The following DOCK11 variants were observed in gnomAD, a reference collection of about 807,000 sequenced individuals.
DOCK11 encodes dedicator of cytokinesis 11.
In DOCK11, 70 loss-of-function variants were observed where a neutral mutation model predicts 169.1. That is an observed-to-expected ratio of 0.41 (90% CI 0.34 to 0.51). The LOEUF (loss-of-function observed/expected upper bound fraction) is 0.51, where lower values mean the gene tolerates loss of function less well. DOCK11 is among the 20% of genes least tolerant of loss of function. The probability of loss-of-function intolerance (pLI) is 0.10; values close to 1 mark genes in which losing one functional copy is unlikely to be tolerated. For missense variants in DOCK11, 1,166 were observed against 1,538.8 expected (o/e 0.76, Z 4.05); for synonymous variants, 529 against 541.3 (o/e 0.98, Z 0.32).
At chrX:118,539,612 A>G (rs2011889663) in intron 1 of DOCK11, among the ~76,000 whole-genome samples, 1 of 111,923 alleles carries the variant, frequency 8.9e-6, no homozygotes, top group African/African-American at 3.3e-5. Flanking sequence ...AATGTTAAAT[A>G]TTTGAGGTGA....
intron 31 of DOCK11, among the ~76,000 whole-genome samples, chrX:118,620,894 A>G (rs1465653663): frequency 8.9e-6 from 1 of 112,755 alleles, no homozygotes; most frequent in Admixed American, 9.4e-5. Flanking sequence ...AAAAAGTTGT[A>G]TATTTCTCCA....
chrX:118,542,814 G>A lies in DOCK11; in HGVS notation c.192G>A (p.Leu64=), dbSNP rs1197157573. ...TQIYSDPLRD[L]LMFPMEDISI... ...TTTACAGCGACCCCCTCCGAGATCT[G>A]CTTATGTTCCCAATGGAAGATATAT... The change falls in exon 2 of 53, where the codon CTG becomes CTA. Residue 64 remains leucine, a synonymous_variant. Transcript: ENST00000276202. 3.3e-6 allele frequency: 4 copies of A among 1,206,042 alleles called. No individual in the cohort carries two copies. The highest frequency in any genetic ancestry group is 1.8e-5 in the African/African-American group (1 of 56,856).
chrX:118,584,917 A>T, intron 15 of DOCK11, 60 bp downstream of exon 15: 1 of 1,155,703 alleles, frequency 8.7e-7, no homozygotes, highest in Non-Finnish European at 1.2e-6. Context: ...AGTTTTTTAA[A>T]ATGATGAATG....
chrX:118,530,191 G>T (rs2147329865), intron 1 of DOCK11, among the ~76,000 whole-genome samples: 1 of 112,698 alleles, frequency 8.9e-6, no homozygotes, highest in East Asian at 2.8e-4. Flanking sequence ...CTCTCTTAAA[G>T]AAAGGCTTTT....
intron 6 of DOCK11, among the ~76,000 whole-genome samples, chrX:118,547,317 T>C (rs1310900105): frequency 8.9e-6 from 1 of 111,849 alleles, no homozygotes; most frequent in Non-Finnish European, 1.9e-5. Context: ...ACTCAAATTT[T>C]ATCTTAATTT....
chrX:118,637,402 A>G (rs904084205), intron 36 of DOCK11, among the ~76,000 whole-genome samples: 4 of 111,786 alleles, frequency 3.6e-5, no homozygotes, highest in African/African-American at 1.3e-4. Flanking sequence ...TTTTAATGCT[A>G]TTATTTAAAA....
At chrX:118,531,897 G>A (rs2011600365) in intron 1 of DOCK11, among the ~76,000 whole-genome samples, 1 of 111,303 alleles carries the variant, frequency 9.0e-6, no homozygotes, top group African/African-American at 3.3e-5. Context: ...TCAAAGATAT[G>A]TGAAGTCATC....
intron 1 of DOCK11, among the ~76,000 whole-genome samples, chrX:118,503,073 G>T (rs2057586403): frequency 2.4e-5 from 1 of 42,018 alleles, no homozygotes; most frequent in East Asian, 4.6e-4. Context: ...GATAACAAAG[G>T]CTTTTTTTTT....
chrX:118,552,335 G>A (rs1215815549), intron 6 of DOCK11, among the ~76,000 whole-genome samples: 1 of 111,643 alleles, frequency 9.0e-6, no homozygotes, highest in Non-Finnish European at 1.9e-5. Context: ...CATTCAAGTC[G>A]ACAGTTCTTG....
At chrX:118,565,599 A>AT (rs1336035492) in intron 7 of DOCK11, among the ~76,000 whole-genome samples, 1 of 112,001 alleles carries the variant, frequency 8.9e-6, no homozygotes, top group African/African-American at 3.2e-5. Context: ...TCATATTTAA[A>AT]TTTTTTAAAG....
chrX:118,646,942 T>G (rs2015686106), intron 40 of DOCK11, among the ~76,000 whole-genome samples: 1 of 110,994 alleles, frequency 9.0e-6, no homozygotes, highest in Non-Finnish European at 1.9e-5. Flanking sequence ...CTGAAGCAGC[T>G]TGTTATTTGC....
At chrX:118,556,048 CTTT>C (rs147701437) in intron 6 of DOCK11, among the ~76,000 whole-genome samples, 2 of 98,770 alleles carry the variant, frequency 2.0e-5, no homozygotes, top group Non-Finnish European at 2.0e-5. Flanking sequence ...TCTTTTCTTT[CTTT>C]TTTTTTTTTT....
chrX:118,592,776 CAT>C lies in DOCK11; in HGVS notation c.2140-435_2140-434del, dbSNP rs760841454. On this transcript the variant is annotated intron_variant, in intron 19 of 52. Transcript: ENST00000276202. ...ACTATAAGACCATCGTTACTTTTTGCATATTTATTTGTAATGGCTTAATTTTT... is the reference window on the plus strand; with the variant it reads ...ACTATAAGACCATCGTTACTTTTTGCATTTATTTGTAATGGCTTAATTTTT... 1.7e-4 allele frequency among the ~76,000 whole-genome samples: 19 copies of C among 112,201 alleles called. No homozygotes were observed. The East Asian group carries it at 4.4e-3, about 26-fold the overall frequency.
At chrX:118,663,312 T>C (rs1447272087) in intron 45 of DOCK11, among the ~76,000 whole-genome samples, 3 of 111,936 alleles carry the variant, frequency 2.7e-5, no homozygotes, top group Non-Finnish European at 3.8e-5. Context: ...GAAGAGATAA[T>C]ACATGTACAT....
At chrX:118,588,386 C>A in intron 17 of DOCK11, 27 bp from the exon 18 acceptor site, 1 of 1,165,008 alleles carries the variant, frequency 8.6e-7, no homozygotes, top group Non-Finnish European at 1.1e-6. Context: ...AATTGTGTGA[C>A]TCATTTTGAC....
At chrX:118,672,131 C>T (rs1052149277) in intron 46 of DOCK11, among the ~76,000 whole-genome samples, 6 of 112,214 alleles carry the variant, frequency 5.3e-5, no homozygotes, top group African/African-American at 1.3e-4. Flanking sequence ...TATAATTTAG[C>T]GGAGAACCTA....
Position 118,562,957 on chromosome X carries a change from G to A in DOCK11, c.693+1440G>A, listed in dbSNP as rs1472969722. The stretch of plus-strand genomic sequence containing the variant: ...CAGGGACCATCTCTTACTCATTTCT[G>A]TTTCTTCTATAATTACCAGGGTTCT... On this transcript the variant is annotated intron_variant, in intron 7 of 52. Coordinates refer to ENST00000276202, the MANE Select transcript of DOCK11 (RefSeq NM_144658.4). 3.6e-5 allele frequency among the ~76,000 whole-genome samples: 4 copies of A among 112,259 alleles called. No homozygotes were observed. The East Asian group carries it at 1.1e-3, about 31-fold the overall frequency.
chrX:118,616,369 T>A, intron 30 of DOCK11: 1 of 351,052 alleles, frequency 2.8e-6, no homozygotes, highest in Non-Finnish European at 4.4e-6. Flanking sequence ...AGGCTTTAGT[T>A]AAAGTACCCA....
intron 1 of DOCK11, among the ~76,000 whole-genome samples, chrX:118,528,773 A>G (rs1008923892): frequency 3.1e-5 from 3 of 97,039 alleles, no homozygotes; most frequent in Non-Finnish European, 6.2e-5. Flanking sequence ...AAGAGGTAAG[A>G]AAATGTTCCT....
Sources: gnomAD v4.1 joint callset for allele counts (sites outside exome capture counted in the v4.1 genomes callset) on GRCh38, gnomAD v4.1.1 for gene constraint, MANE v1.5 for transcripts, NCBI Gene and HGNC (gene_info 2026-07-23, HGNC 2026-07-21) for gene names.